AGMO: variants seen among roughly 807,000 people sequenced by gnomAD.
The protein encoded by AGMO is glyceryl-ether monooxygenase.
In AGMO, 75 loss-of-function variants were observed where a neutral mutation model predicts 60.2. The observed-to-expected ratio is 1.25, with a 90% CI of 1.03 to 1.51. AGMO has a LOEUF of 1.51. Ranked by LOEUF, AGMO falls within the 40% of genes most tolerant of loss-of-function variation. The probability of loss-of-function intolerance (pLI) is 0.00; values close to 1 mark genes in which losing one functional copy is unlikely to be tolerated. For synonymous variants in AGMO, 261 were observed against 177.1 expected (o/e 1.47, Z -3.76); for missense variants, 763 against 525.5 (o/e 1.45, Z -4.42).
At chr7:15,228,770 A>G (rs1379084034) in intron 12 of AGMO, among the ~76,000 whole-genome samples, 2 of 152,130 alleles carry the variant, frequency 1.3e-5, no homozygotes, top group East Asian at 3.9e-4. Context: ...TTGTTTTGAT[A>G]GATTCAGCCA....
intron 3 of AGMO, among the ~76,000 whole-genome samples, chr7:15,517,333 GTA>G (rs201646168): frequency 6.6e-6 from 1 of 151,174 alleles, no homozygotes; most frequent in African/African-American, 2.4e-5. Context: ...GTGTGTGTGT[GTA>G]TATACTTATT....
the AGMO span, among the ~76,000 whole-genome samples, chr7:15,136,769 G>A: frequency 3.9e-5 from 6 of 151,912 alleles, no homozygotes; most frequent in Admixed American, 2.0e-4. Flanking sequence ...GTGTGTGCAC[G>A]CGTGCGTATT....
intron 12 of AGMO, among the ~76,000 whole-genome samples, chr7:15,299,876 C>CAT (rs1392750652): frequency 8.0e-6 from 1 of 125,550 alleles, no homozygotes; most frequent in Non-Finnish European, 1.6e-5. Context: ...CACACACACA[C>CAT]ACACACACAC....
chr7:15,147,487 A>G, the AGMO span, among the ~76,000 whole-genome samples: 1 of 152,110 alleles, frequency 6.6e-6, no homozygotes, highest in South Asian at 2.1e-4. Flanking sequence ...TCCCAAGAAG[A>G]GCATAAGACC....
At chr7:15,218,321 G>GTA (rs1378834952) in intron 12 of AGMO, among the ~76,000 whole-genome samples, 2 of 113,312 alleles carry the variant, frequency 1.8e-5, no homozygotes, top group Non-Finnish European at 3.7e-5. Flanking sequence ...TGACTATGGT[G>GTA]TGTGTATGTG....
intron 3 of AGMO, among the ~76,000 whole-genome samples, chr7:15,482,477 C>A (rs1562529410): frequency 1.3e-5 from 2 of 151,790 alleles, no homozygotes; most frequent in African/African-American, 2.4e-5. Context: ...TCCACGGTGA[C>A]TTTTTTTTAG....
chr7:15,441,658 T>C (rs1781559108), intron 3 of AGMO, among the ~76,000 whole-genome samples: 1 of 152,200 alleles, frequency 6.6e-6, no homozygotes, highest in Non-Finnish European at 1.5e-5. Flanking sequence ...GCTCCTCCCC[T>C]GCAGCACGTT....
intron 3 of AGMO, among the ~76,000 whole-genome samples, chr7:15,511,003 A>G (rs530840392): frequency 6.6e-6 from 1 of 151,938 alleles, no homozygotes; most frequent in South Asian, 2.1e-4. Flanking sequence ...AAACTTCTAA[A>G]AAAAGATACA....
At chr7:15,476,733 T>TTGAAACACATCTCCAAATATTA (rs1782602733) in intron 3 of AGMO, among the ~76,000 whole-genome samples, 1 of 152,136 alleles carries the variant, frequency 6.6e-6, no homozygotes, top group Non-Finnish European at 1.5e-5. Flanking sequence ...TTAAAACATT[T>TTGAAACACATCTCCAAATATTA]TGAAACACAT....
In AGMO at chr7:15,201,215, ATTTTAATATGCAG is replaced by A; in HGVS notation, c.*57_*69del. On this transcript the variant is annotated 3_prime_UTR_variant, in exon 13 of 13. Transcript: ENST00000342526. Reference sequence around the variant, plus strand: ...TATAAGCATTACATAAAATAATTACATTTTAATATGCAGTCATAATATGCGTGTGGACAACTCA... The same window carrying A: ...TATAAGCATTACATAAAATAATTACATCATAATATGCGTGTGGACAACTCA... 3.1e-6 allele frequency: 3 copies of A among 974,518 alleles called. No homozygotes were observed. In the East Asian group the frequency reaches 7.7e-5, roughly 25 times the overall value. The allele number at this position is 974,518 out of a possible 1,614,324, so 60.4% of individuals were successfully genotyped here.
Position 15,206,743 on chromosome 7 carries a change from C to T in AGMO, c.1264-5384G>A, listed in dbSNP as rs144954372. Reference sequence around the variant, plus strand: ...TTCAATCAATAAGTATCTACTGATACTCATTTTCTAACAGGAGAAAATACT... The same window carrying T: ...TTCAATCAATAAGTATCTACTGATATTCATTTTCTAACAGGAGAAAATACT... On this transcript the variant is annotated intron_variant, in intron 12 of 12. Coordinates refer to ENST00000342526, the MANE Select transcript of AGMO (RefSeq NM_001004320.2). Among the ~76,000 whole-genome samples the T allele has an allele frequency of 2.3e-3, 348 of 152,192 alleles. 2 individuals are homozygous for T. Among genetic ancestry groups the T allele is most frequent in the Middle Eastern group, 6.8e-3 (2 of 294 alleles).
At chr7:15,522,899 A>T (rs141136868) in intron 3 of AGMO, among the ~76,000 whole-genome samples, 1 of 152,126 alleles carries the variant, frequency 6.6e-6, no homozygotes, top group African/African-American at 2.4e-5. Context: ...TATCATCGGC[A>T]TGAACAGACA....
intron 10 of AGMO, among the ~76,000 whole-genome samples, chr7:15,380,543 T>G (rs1467072563): frequency 6.6e-6 from 1 of 152,182 alleles, no homozygotes; most frequent in Non-Finnish European, 1.5e-5. Flanking sequence ...CATTCCATGT[T>G]CATGGATAGC....
At chr7:15,505,483 G>A (rs1310847976) in intron 3 of AGMO, among the ~76,000 whole-genome samples, 1 of 151,888 alleles carries the variant, frequency 6.6e-6, no homozygotes, top group African/African-American at 2.4e-5. Flanking sequence ...AACCAAGCAG[G>A]GAGATGTTAT....
intron 4 of AGMO, among the ~76,000 whole-genome samples, chr7:15,419,174 C>G (rs997875463): frequency 5.3e-5 from 8 of 151,736 alleles, no homozygotes; most frequent in Admixed American, 1.3e-4. Flanking sequence ...CATCATATCT[C>G]TTAATTTTTT....
chr7:15,252,803 TAAG>T (rs757975569), intron 12 of AGMO, among the ~76,000 whole-genome samples: 7 of 152,238 alleles, frequency 4.6e-5, no homozygotes, highest in South Asian at 4.1e-4. Context: ...TAAGCCATTT[TAAG>T]AAAAGAAAGA....
intron 12 of AGMO, among the ~76,000 whole-genome samples, chr7:15,362,258 T>C (rs954178901): frequency 6.6e-6 from 1 of 152,136 alleles, no homozygotes; most frequent in Non-Finnish European, 1.5e-5. Context: ...AATATAAGAA[T>C]TGGTAACTGG....
intron 3 of AGMO, among the ~76,000 whole-genome samples, chr7:15,495,555 A>G (rs1172417928): frequency 2.6e-5 from 4 of 152,118 alleles, no homozygotes. Context: ...TTGATTTTAA[A>G]TTCCTGTAAC....
At chr7:15,476,727 A>G (rs529460009) in intron 3 of AGMO, among the ~76,000 whole-genome samples, 1 of 152,242 alleles carries the variant, frequency 6.6e-6, no homozygotes, top group Admixed American at 6.5e-5. Flanking sequence ...TGGACTTTAA[A>G]ACATTTTGAA....
Sources: allele counts gnomAD v4.1 joint callset (sites outside exome capture counted in the v4.1 genomes callset), GRCh38; gene constraint gnomAD v4.1.1; transcripts MANE v1.5; gene names NCBI Gene and HGNC (gene_info 2026-07-23, HGNC 2026-07-21).